The following TAMM41 variants were observed in gnomAD, a reference collection of about 807,000 sequenced individuals.
The protein encoded by TAMM41 is TAM41 mitochondrial translocator assembly and maintenance homolog, also known as phosphatidate cytidylyltransferase, mitochondrial.
TAMM41 carries 36 observed loss-of-function variants against 44.1 expected under a neutral mutation model. The observed-to-expected ratio is 0.82, with a 90% CI of 0.63 to 1.08. TAMM41 has a LOEUF of 1.08. Among genes scored for constraint, TAMM41 ranks in the 50% least tolerant of loss-of-function variants. The pLI, the probability that TAMM41 is intolerant of heterozygous loss-of-function variation, is 0.00. For synonymous variants in TAMM41, 164 were observed against 153.1 expected (o/e 1.07, Z -0.53); for missense variants, 417 against 404.3 (o/e 1.03, Z -0.27).
the TAMM41 span, among the ~76,000 whole-genome samples, chr3:11,738,166 C>T: frequency 6.6e-6 from 1 of 152,192 alleles, no homozygotes; most frequent in African/African-American, 2.4e-5. Context: ...TTTTAAACAT[C>T]TCATAGAAAA....
the TAMM41 span, chr3:11,721,950 A>T: frequency 6.6e-6 from 1 of 152,234 alleles, no homozygotes; most frequent in Non-Finnish European, 1.5e-5. Flanking sequence ...AACAGAGGAA[A>T]ATGAAATGCC....
chr3:11,746,887 C>T, the TAMM41 span, among the ~76,000 whole-genome samples: 2 of 152,130 alleles, frequency 1.3e-5, no homozygotes, highest in African/African-American at 2.4e-5. Context: ...CCTCCTGCCT[C>T]GACCTCCCAA....
At chr3:11,789,461 A>G (rs2077437575), downstream of TAMM41, among the ~76,000 whole-genome samples, 1 of 152,186 alleles carries the variant, frequency 6.6e-6, no homozygotes, top group Non-Finnish European at 1.5e-5. Context: ...TGTTAGGTGG[A>G]TGAGGTGGGA....
At chr3:11,722,794 C>A in the TAMM41 span, among the ~76,000 whole-genome samples, 4 of 152,092 alleles carry the variant, frequency 2.6e-5, no homozygotes, top group Non-Finnish European at 5.9e-5. Context: ...CATGGTGAAA[C>A]CCCGTCTCTA....
At chr3:11,846,163 A>C (rs1256069267) in intron 1 of TAMM41, among the ~76,000 whole-genome samples, 1 of 152,250 alleles carries the variant, frequency 6.6e-6, no homozygotes, top group Admixed American at 6.5e-5. Flanking sequence ...GATTTTCTTA[A>C]AAGCTCCCCA....
chr3:11,760,663 C>T, the TAMM41 span, among the ~76,000 whole-genome samples: 5 of 151,974 alleles, frequency 3.3e-5, no homozygotes, highest in African/African-American at 7.2e-5. Flanking sequence ...CGGGCTTAAG[C>T]GAGTCTCATG....
chr3:11,822,538 A>G (rs955444414), intron 4 of TAMM41, among the ~76,000 whole-genome samples: 1 of 152,188 alleles, frequency 6.6e-6, no homozygotes, highest in Admixed American at 6.5e-5. Context: ...GGCTGGCTAC[A>G]AAGTACCAGG....
chr3:11,764,506 T>C, the TAMM41 span, among the ~76,000 whole-genome samples: 2 of 137,868 alleles, frequency 1.5e-5, no homozygotes, highest in Non-Finnish European at 3.1e-5. Flanking sequence ...TTTTTTTTTT[T>C]TTTTGAGACA....
At chr3:11,755,297 C>A in the TAMM41 span, among the ~76,000 whole-genome samples, 2 of 151,062 alleles carry the variant, frequency 1.3e-5, no homozygotes, top group African/African-American at 2.5e-5. Flanking sequence ...TCTCTCCCAG[C>A]CCCGCAGGCA....
chr3:11,777,503 A>G, the TAMM41 span, among the ~76,000 whole-genome samples: 4 of 152,228 alleles, frequency 2.6e-5, no homozygotes, highest in Non-Finnish European at 5.9e-5. Context: ...TAAAGTGTAC[A>G]GTTCAGCAGG....
intron 7 of TAMM41, among the ~76,000 whole-genome samples, chr3:11,797,250 T>C (rs73130893): frequency 7.2e-5 from 11 of 152,220 alleles, no homozygotes; most frequent in African/African-American, 2.6e-4. Flanking sequence ...AAACTATAAA[T>C]ACAGGGCTAC....
At chr3:11,773,429 C>CAGGTTGG in the TAMM41 span, among the ~76,000 whole-genome samples, 4 of 151,768 alleles carry the variant, frequency 2.6e-5, no homozygotes, top group Non-Finnish European at 5.9e-5. Flanking sequence ...CTATTTTGGC[C>CAGGTTGG]AGGTTGGTCT....
At chr3:11,838,296 T>C (rs2079273729) in intron 3 of TAMM41, among the ~76,000 whole-genome samples, 1 of 151,970 alleles carries the variant, frequency 6.6e-6, no homozygotes, top group Non-Finnish European at 1.5e-5. Flanking sequence ...CTCATTGCAA[T>C]TTCCATCTCC....
intron 7 of TAMM41, among the ~76,000 whole-genome samples, chr3:11,803,476 T>G (rs1188664509): frequency 6.6e-6 from 1 of 152,134 alleles, no homozygotes; most frequent in South Asian, 2.1e-4. Context: ...GGAATCTAAA[T>G]TAGTATAGCC....
the TAMM41 span, among the ~76,000 whole-genome samples, chr3:11,783,575 C>G: frequency 1.3e-5 from 2 of 152,170 alleles, no homozygotes; most frequent in Non-Finnish European, 2.9e-5. Context: ...CAAATCAGGA[C>G]GATGTCATTT....
chr3:11,818,104 A>G (rs2078355046), intron 4 of TAMM41, among the ~76,000 whole-genome samples: 1 of 152,232 alleles, frequency 6.6e-6, no homozygotes, highest in Admixed American at 6.5e-5. Context: ...TGAAATCACA[A>G]GAGGCTGGAC....
the TAMM41 span, among the ~76,000 whole-genome samples, chr3:11,762,741 A>G: frequency 6.6e-6 from 1 of 152,092 alleles, no homozygotes; most frequent in African/African-American, 2.4e-5. Flanking sequence ...CATGGGTCTG[A>G]CCCTTTCTGT....
intron 3 of TAMM41, among the ~76,000 whole-genome samples, chr3:11,834,592 T>G (rs541022458): frequency 8.5e-5 from 13 of 152,326 alleles, no homozygotes; most frequent in African/African-American, 3.1e-4. Context: ...AAATAGGGTA[T>G]TCCATCAATT....
At position 11,846,752 on chromosome 3, in the gene TAMM41, G is replaced by A; in HGVS notation, c.-116C>T. Reference sequence around the variant, plus strand: ...ATGGAAGTCGGAGACTGGATCGAGGGACACAAGGCTGAGTGTGGGGTGGGA... The same window carrying A: ...ATGGAAGTCGGAGACTGGATCGAGGAACACAAGGCTGAGTGTGGGGTGGGA... On this transcript the variant is annotated 5_prime_UTR_variant, in exon 1 of 8. Coordinates refer to ENST00000455809, the MANE Select transcript of TAMM41 (RefSeq NM_001284401.2). 7.4e-7 allele frequency: 1 copy of A among 1,347,642 alleles called. No homozygotes were observed. 83.5% of individuals were successfully genotyped at this position (1,347,642 alleles called of 1,614,324 possible). A position where few individuals can be genotyped will look rare whatever the true frequency, so the allele number is the denominator to read the frequency against.
Sources: gnomAD v4.1 joint callset for allele counts (sites outside exome capture counted in the v4.1 genomes callset) on GRCh38, gnomAD v4.1.1 for gene constraint, MANE v1.5 for transcripts, NCBI Gene and HGNC (gene_info 2026-07-23, HGNC 2026-07-21) for gene names.